The following DPP6 variants were observed in gnomAD, a reference collection of about 807,000 sequenced individuals.
DPP6 encodes the protein dipeptidyl peptidase like 6.
DPP6 carries 69 observed loss-of-function variants against 122.6 expected under a neutral mutation model. The ratio of observed to expected loss-of-function variants is 0.56; its 90% CI spans 0.46 to 0.69. DPP6 has a LOEUF of 0.69. DPP6 is among the 30% of genes least tolerant of loss of function. The probability of loss-of-function intolerance (pLI) is 0.00; values close to 1 mark genes in which losing one functional copy is unlikely to be tolerated. For synonymous variants in DPP6, 418 were observed against 433.1 expected (o/e 0.97, Z 0.43); for missense variants, 928 against 1,116.9 (o/e 0.83, Z 2.41).
intron 1 of DPP6, among the ~76,000 whole-genome samples, chr7:154,311,314 G>C (rs531121103): frequency 6.6e-6 from 1 of 152,126 alleles, no homozygotes; most frequent in Admixed American, 6.5e-5. Context: ...GCAACATGGC[G>C]AAGCCCCATG....
chr7:154,244,709 T>C (rs1399410190), intron 1 of DPP6, among the ~76,000 whole-genome samples: 1 of 151,944 alleles, frequency 6.6e-6, no homozygotes, highest in Non-Finnish European at 1.5e-5. Context: ...AAGAGGTATA[T>C]CTAAAAACCT....
chr7:153,988,610 A>T (rs1452113059), intron 1 of DPP6, among the ~76,000 whole-genome samples: 1 of 152,160 alleles, frequency 6.6e-6, no homozygotes, highest in Non-Finnish European at 1.5e-5. Flanking sequence ...GCATCGGGGG[A>T]TGCTCCCACT....
At chr7:154,866,336 G>T (rs1033303077) in intron 17 of DPP6, among the ~76,000 whole-genome samples, 4 of 152,232 alleles carry the variant, frequency 2.6e-5, no homozygotes, top group Non-Finnish European at 5.9e-5. Flanking sequence ...AGGGCTGAGG[G>T]CATTTGGACT....
Position 154,222,228 on chromosome 7 carries a change from A to G in DPP6, c.243+169165A>G, listed in dbSNP as rs188717773. Among the ~76,000 whole-genome samples, 33 of 152,304 alleles carry G rather than the reference A, an allele frequency of 2.2e-4. No homozygotes were observed. In the East Asian group the frequency reaches 5.6e-3, roughly 26 times the overall value. Reference sequence around the variant, plus strand: ...CCTCCCAGCCACCCAAATTGAGCATATCTTCCAATGCACAACTCAAGTCCC... The same window carrying G: ...CCTCCCAGCCACCCAAATTGAGCATGTCTTCCAATGCACAACTCAAGTCCC... On this transcript the variant is annotated intron_variant, in intron 1 of 25. Transcript: ENST00000377770.
At chr7:153,772,704 A>G in the DPP6 span, among the ~76,000 whole-genome samples, 1 of 149,692 alleles carries the variant, frequency 6.7e-6, no homozygotes, top group African/African-American at 2.4e-5. Context: ...AGAAAAAACT[A>G]TAAGCTCTTT....
At chr7:153,860,975 T>TAA in the DPP6 span, among the ~76,000 whole-genome samples, 1 of 152,214 alleles carries the variant, frequency 6.6e-6, no homozygotes, top group African/African-American at 2.4e-5. Context: ...CTTAGTAAAG[T>TAA]AGCAGGTGTT....
chr7:154,874,698 C>T (rs1388578251), intron 19 of DPP6, among the ~76,000 whole-genome samples: 1 of 152,166 alleles, frequency 6.6e-6, no homozygotes, highest in East Asian at 1.9e-4. Flanking sequence ...TCGAAGCAGT[C>T]ACCTGGCTGG....
At chr7:154,324,864 G>GTTCTT (rs1172014611) in intron 1 of DPP6, among the ~76,000 whole-genome samples, 2 of 59,606 alleles carry the variant, frequency 3.4e-5, no homozygotes, top group South Asian at 7.0e-4. Context: ...CTTTCCTTTT[G>GTTCTT]TTATTTTTTT....
At chr7:154,288,801 C>T (rs1041440742) in intron 1 of DPP6, among the ~76,000 whole-genome samples, 1 of 152,128 alleles carries the variant, frequency 6.6e-6, no homozygotes, top group African/African-American at 2.4e-5. Context: ...GATGCAAATA[C>T]CTGCCTTTGT....
At chr7:154,740,087 G>C (rs1226896560) in intron 8 of DPP6, among the ~76,000 whole-genome samples, 1 of 152,158 alleles carries the variant, frequency 6.6e-6, no homozygotes, top group Non-Finnish European at 1.5e-5. Flanking sequence ...ATTCTCATTG[G>C]TCTTGAGAAA....
chr7:154,716,293 A>C (rs2131323103), intron 7 of DPP6, among the ~76,000 whole-genome samples: 1 of 152,166 alleles, frequency 6.6e-6, no homozygotes, highest in South Asian at 2.1e-4. Flanking sequence ...CTGGAACACA[A>C]GGCTTCCCAT....
intron 7 of DPP6, among the ~76,000 whole-genome samples, chr7:154,705,761 T>G (rs142367040): frequency 4.3e-4 from 66 of 152,372 alleles, no homozygotes; most frequent in Middle Eastern, 3.4e-3. Context: ...CTACAGCAGT[T>G]AGCCAGAACA....
At chr7:154,083,941 T>TAGAATTGAGATGG (rs992717524) in intron 1 of DPP6, among the ~76,000 whole-genome samples, 2 of 144,770 alleles carry the variant, frequency 1.4e-5, no homozygotes, top group African/African-American at 2.7e-5. Flanking sequence ...CCTTGGGGGC[T>TAGAATTGAGATGG]AGAATTGAGA....
intron 3 of DPP6, among the ~76,000 whole-genome samples, chr7:154,537,110 A>C (rs1474435962): frequency 6.6e-6 from 1 of 152,176 alleles, no homozygotes; most frequent in Non-Finnish European, 1.5e-5. Context: ...TTTTATATAT[A>C]AAACGAAAAC....
the DPP6 span, among the ~76,000 whole-genome samples, chr7:153,879,304 G>C: frequency 2.6e-5 from 4 of 152,234 alleles, no homozygotes; most frequent in African/African-American, 9.6e-5. Context: ...TGGATGCTGG[G>C]GGTAGAGGGA....
intron 8 of DPP6, 128 bp downstream of exon 8, chr7:154,728,015 A>G: frequency 6.9e-7 from 1 of 1,443,274 alleles, no homozygotes; most frequent in Non-Finnish European, 9.1e-7. Context: ...GAGGTTCTGC[A>G]AAATTTAAAA....
chr7:154,788,746 T>A (rs1178819089), intron 10 of DPP6, among the ~76,000 whole-genome samples: 1 of 152,108 alleles, frequency 6.6e-6, no homozygotes, highest in Non-Finnish European at 1.5e-5. Flanking sequence ...TACACAGAAG[T>A]TTCGTCCTCT....
intron 6 of DPP6, among the ~76,000 whole-genome samples, chr7:154,654,663 C>T (rs889615025): frequency 6.6e-6 from 1 of 151,964 alleles, no homozygotes; most frequent in African/African-American, 2.4e-5. Flanking sequence ...TCTGATCCTC[C>T]TGCCTTGGCG....
At chr7:154,404,348 GAAGA>G (rs1387281026) in intron 1 of DPP6, among the ~76,000 whole-genome samples, 5 of 152,178 alleles carry the variant, frequency 3.3e-5, no homozygotes, top group African/African-American at 4.8e-5. Context: ...AAAAGCAGTG[GAAGA>G]AATCATAAAA....
Sources: gnomAD v4.1 joint callset for allele counts (sites outside exome capture counted in the v4.1 genomes callset) on GRCh38, gnomAD v4.1.1 for gene constraint, MANE v1.5 for transcripts, NCBI Gene and HGNC (gene_info 2026-07-23, HGNC 2026-07-21) for gene names.